Variants in DHDDS observed in about 807,000 individuals in gnomAD.
DHDDS encodes dehydrodolichyl diphosphate synthase complex subunit DHDDS.
Under a neutral mutation model 46.2 loss-of-function variants are expected in DHDDS, and 16 were observed. That is an observed-to-expected ratio of 0.35 (90% CI 0.23 to 0.53). DHDDS has a LOEUF of 0.53. DHDDS is among the 20% of genes least tolerant of loss of function. The probability of loss-of-function intolerance (pLI) is 0.94; values close to 1 mark genes in which losing one functional copy is unlikely to be tolerated. For missense variants in DHDDS, 340 were observed against 423.7 expected, an observed-to-expected ratio of 0.80 and a Z score of 1.73; for synonymous variants, 151 against 163.1, an observed-to-expected ratio of 0.93 and a Z score of 0.56.
intron 6 of DHDDS, among the ~76,000 whole-genome samples, chr1:26,450,852 T>G (rs1472741817): frequency 6.6e-6 from 1 of 152,222 alleles, no homozygotes; most frequent in Admixed American, 6.5e-5. Context: ...TTCATTATAT[T>G]TTTGTGCTTT....
chr1:26,437,181 A>G (rs191041907), intron 2 of DHDDS, among the ~76,000 whole-genome samples: 192 of 152,136 alleles, frequency 1.3e-3, no homozygotes, highest in African/African-American at 4.3e-3. Context: ...AAAAAAAAAC[A>G]GAACAAAACT....
chr1:26,455,275 G>T, intron 6 of DHDDS: 1 of 574,686 alleles, frequency 1.7e-6, no homozygotes, highest in South Asian at 2.0e-5. Context: ...GGATTGTACA[G>T]AGTCTCACAT....
chr1:26,438,147 A>C, intron 2 of DHDDS, 21 bp from the exon 3 acceptor site: 2 of 1,612,054 alleles, frequency 1.2e-6, no homozygotes, highest in Non-Finnish European at 1.7e-6. Context: ...CCTGTTCATC[A>C]TTTGTCTTCC....
At chr1:26,463,848 T>C (rs1224412211) in intron 8 of DHDDS, among the ~76,000 whole-genome samples, 2 of 151,958 alleles carry the variant, frequency 1.3e-5, no homozygotes, top group African/African-American at 4.8e-5. Context: ...TAAGTACAAA[T>C]AATAATGTTA....
chr1:26,467,394 G>T (rs2075502611), intron 8 of DHDDS: 1 of 467,248 alleles, frequency 2.1e-6, no homozygotes, highest in African/African-American at 2.0e-5. Flanking sequence ...AGCTCCACAT[G>T]TAATTCATTG....
At chr1:26,448,171 A>G (rs895219979) in intron 6 of DHDDS, 114 of 162,814 alleles carry the variant, frequency 7.0e-4, no homozygotes, top group African/African-American at 2.6e-3. Context: ...AGTTCCACAC[A>G]AGATTCAGGT....
Position 26,457,814 on chromosome 1 carries a change from A to G in DHDDS, c.566A>G (p.Asp189Gly), listed in dbSNP as rs1262390450. The G allele has an allele frequency of 3.1e-6, 5 of 1,613,750 alleles. No homozygotes were observed. The highest frequency in any genetic ancestry group is 1.6e-4 in the Middle Eastern group (1 of 6,062). The stretch of plus-strand genomic sequence containing the variant: ...AGTGATATCTCTGAGTCTCTGCTTG[A>G]TAAGTGCCTCTATACCAACCGCTCT... Reference protein sequence around the residue: ...DPSDISESLLDKCLYTNRSPH... With the variant: ...DPSDISESLLGKCLYTNRSPH... The change falls in exon 7 of 9, where the codon GAT becomes GGT. Residue 189 changes from aspartate to glycine, a missense_variant. Asp to Gly is a moderately conservative substitution (Grantham distance 94, BLOSUM62 -1). Transcript: ENST00000236342.
In DHDDS at chr1:26,460,281, GTATC is replaced by G. The variant is rs2075409656; in HGVS notation, c.765+140_765+143del. The G allele has an allele frequency of 2.0e-5, 15 of 751,676 alleles. No homozygotes were observed. In the South Asian group the frequency reaches 2.2e-4, roughly 11 times the overall value. The allele number at this position is 751,676 out of a possible 1,614,324, so 46.6% of individuals were successfully genotyped here. A position where few individuals can be genotyped will look rare whatever the true frequency, so the allele number is the denominator to read the frequency against. The stretch of plus-strand genomic sequence containing the variant: ...GATGATAGTAGCTACCACCTACTGA[GTATC>G]TACTACTTGTCAGGCACTGCGAACA... On this transcript the variant is annotated intron_variant, in intron 8 of 8. Transcript: ENST00000236342.
chr1:26,433,939 G>A (rs2124337803), intron 2 of DHDDS, among the ~76,000 whole-genome samples: 1 of 152,098 alleles, frequency 6.6e-6, no homozygotes, highest in South Asian at 2.1e-4. Flanking sequence ...TTCTCATATT[G>A]GCCAGGCTGG....
chr1:26,469,048 G>T lies in DHDDS; in HGVS notation c.919G>T (p.Glu307Ter). Residue 307 changes from glutamate to a stop codon, truncating the protein, a stop_gained, in exon 9 of 9, where the codon GAA becomes TAA. Transcript: ENST00000236342. LOFTEE classifies it high-confidence loss of function. ...TRLHKLSARR[E>*]ERVQGFLQAL... is the part of the protein sequence containing the mutation. ...CTTGCACAAACTCTCGGCCAGACGGGAAGAGCGAGTCCAAGGCTTCCTGCA... is the reference window on the plus strand; with the variant it reads ...CTTGCACAAACTCTCGGCCAGACGGTAAGAGCGAGTCCAAGGCTTCCTGCA... 1 of 1,613,944 alleles carries T rather than the reference G, an allele frequency of 6.2e-7. No homozygotes were observed. Among genetic ancestry groups the T allele is most frequent in the Non-Finnish European group, 8.5e-7 (1 of 1,180,046 alleles).
chr1:26,462,745 G>C (rs1227419645), intron 8 of DHDDS: 1 of 152,194 alleles, frequency 6.6e-6, no homozygotes, highest in Admixed American at 6.5e-5. Flanking sequence ...TGTCAGAGGA[G>C]TTAACTCAAG....
At chr1:26,438,113 C>T (rs2075179802) in intron 2 of DHDDS, 55 bp from the exon 3 acceptor site, 2 of 1,583,158 alleles carry the variant, frequency 1.3e-6, no homozygotes. Flanking sequence ...GTAGTGTCTT[C>T]CTTTATCCCT....
At chr1:26,466,284 A>C (rs978795911) in intron 8 of DHDDS, 2 of 152,194 alleles carry the variant, frequency 1.3e-5, no homozygotes, top group Non-Finnish European at 2.9e-5. Flanking sequence ...GTTAGCTTGG[A>C]TTTCCCAAGG....
intron 6 of DHDDS, among the ~76,000 whole-genome samples, chr1:26,453,510 C>T (rs1380760753): frequency 6.6e-6 from 1 of 152,118 alleles, no homozygotes; most frequent in African/African-American, 2.4e-5. Context: ...TAATCCAGCA[C>T]TTTAGGTGGC....
At chr1:26,443,052 C>CATTTTT (rs1553121612) in intron 4 of DHDDS, 179 bp downstream of exon 4, 32 of 999,766 alleles carry the variant, frequency 3.2e-5, no homozygotes, top group Non-Finnish European at 4.4e-5. Flanking sequence ...TTATTTCTAA[C>CATTTTT]TTTTTAATAA....
chr1:26,439,174 AC>A (rs2075192766), intron 3 of DHDDS, among the ~76,000 whole-genome samples: 4 of 151,612 alleles, frequency 2.6e-5, no homozygotes, highest in Admixed American at 2.6e-4. Context: ...CAGGTGATCC[AC>A]CCCCTTCAGC....
Position 26,460,097 on chromosome 1 carries a change from C to T in DHDDS, c.718C>T (p.Leu240Phe). 1.2e-6 allele frequency: 2 copies of T among 1,614,174 alleles called. No individual in the cohort carries two copies. Among genetic ancestry groups the T allele is most frequent in the Non-Finnish European group, 1.7e-6 (2 of 1,180,024 alleles). Residue 240 changes from leucine to phenylalanine, a missense_variant, in exon 8 of 9, where the codon CTC becomes TTC. By Grantham distance (22) the Leu-to-Phe change is conservative (BLOSUM62 0). Transcript: ENST00000236342. ...VLWPEYTFWN[L>F]FEAILQFQMN... ...GTGGCCAGAGTATACATTTTGGAAC[C>T]TCTTCGAGGCCATCCTGCAGTTCCA... is the stretch of plus-strand genomic sequence containing the variant.
intron 3 of DHDDS, among the ~76,000 whole-genome samples, chr1:26,441,588 C>G (rs1407458125): frequency 6.6e-6 from 1 of 152,248 alleles, no homozygotes. Flanking sequence ...CTAACCCATA[C>G]CCCTGTCAAG....
intron 6 of DHDDS, among the ~76,000 whole-genome samples, chr1:26,453,224 G>C: frequency 6.6e-6 from 1 of 152,012 alleles, no homozygotes; most frequent in East Asian, 1.9e-4. Flanking sequence ...TACTTTTCAT[G>C]ACCCGTGTTT....
Sources: allele counts gnomAD v4.1 joint callset (sites outside exome capture counted in the v4.1 genomes callset), GRCh38; gene constraint gnomAD v4.1.1; transcripts MANE v1.5; gene names NCBI Gene and HGNC (gene_info 2026-07-23, HGNC 2026-07-21).